KLHL1: variants seen among roughly 807,000 people sequenced by gnomAD.
KLHL1 encodes the protein kelch-like protein 1.
KLHL1 carries 47 observed loss-of-function variants against 77.7 expected under a neutral mutation model. The observed-to-expected ratio is 0.60, with a 90% CI of 0.48 to 0.77. KLHL1 has a LOEUF of 0.77. Ranked by LOEUF, KLHL1 falls within the 30% of genes least tolerant of loss-of-function variation. The pLI is 0.00. For synonymous variants in KLHL1, 360 were observed against 325.2 expected, an observed-to-expected ratio of 1.11 and a Z score of -1.15; for missense variants, 925 against 910.8, an observed-to-expected ratio of 1.02 and a Z score of -0.20.
chr13:69,916,619 T>G (rs1222485149), intron 4 of KLHL1, among the ~76,000 whole-genome samples: 2 of 151,936 alleles, frequency 1.3e-5, no homozygotes, highest in African/African-American at 4.8e-5. Context: ...AGGGATAGCA[T>G]TAGGAGATAT....
intron 1 of KLHL1, among the ~76,000 whole-genome samples, chr13:70,016,398 C>T (rs1490972356): frequency 3.3e-5 from 5 of 152,222 alleles, no homozygotes; most frequent in African/African-American, 9.6e-5. Flanking sequence ...AATCCATGCA[C>T]TCTTGGGGGC....
intron 3 of KLHL1, among the ~76,000 whole-genome samples, chr13:69,945,547 C>A (rs969261595): frequency 4.6e-5 from 7 of 151,270 alleles, no homozygotes; most frequent in Admixed American, 1.3e-4. Flanking sequence ...CAAATCATAT[C>A]TGATAAAATA....
At chr13:69,808,142 C>T (rs1310492966) in intron 6 of KLHL1, among the ~76,000 whole-genome samples, 1 of 152,126 alleles carries the variant, frequency 6.6e-6, no homozygotes, top group African/African-American at 2.4e-5. Flanking sequence ...TCCCCCCACA[C>T]CCCACCTCAC....
At chr13:70,037,278 T>C (rs1355276132) in intron 1 of KLHL1, among the ~76,000 whole-genome samples, 2 of 152,084 alleles carry the variant, frequency 1.3e-5, no homozygotes. Context: ...CTTTCTTTAT[T>C]AACTTTTTGA....
chr13:70,036,949 AG>A (rs1281006375), intron 1 of KLHL1, among the ~76,000 whole-genome samples: 1 of 149,870 alleles, frequency 6.7e-6, no homozygotes, highest in African/African-American at 2.5e-5. Flanking sequence ...CAAATTATAA[AG>A]TTAATCGAGA....
intron 4 of KLHL1, among the ~76,000 whole-genome samples, chr13:69,916,051 C>G (rs1344148735): frequency 1.3e-5 from 2 of 152,154 alleles, no homozygotes; most frequent in Non-Finnish European, 2.9e-5. Context: ...TACCATCTCA[C>G]ACCAGTTAGA....
At chr13:69,850,142 A>G (rs1449971808) in intron 5 of KLHL1, among the ~76,000 whole-genome samples, 4 of 151,524 alleles carry the variant, frequency 2.6e-5, no homozygotes, top group Admixed American at 2.0e-4. Flanking sequence ...ACTAGGAAAC[A>G]TTAACCTGAA....
intron 3 of KLHL1, among the ~76,000 whole-genome samples, chr13:69,946,291 A>C (rs1384040073): frequency 6.6e-6 from 1 of 151,944 alleles, no homozygotes; most frequent in Non-Finnish European, 1.5e-5. Flanking sequence ...AAACTTATCA[A>C]ATTATACATT....
chr13:69,843,621 CAT>C (rs1184415169), intron 5 of KLHL1, among the ~76,000 whole-genome samples: 1 of 151,628 alleles, frequency 6.6e-6, no homozygotes, highest in Non-Finnish European at 1.5e-5. Flanking sequence ...TTTAATTTCT[CAT>C]ATTTTACACT....
chr13:69,793,772 C>A (rs1876977012), intron 7 of KLHL1, among the ~76,000 whole-genome samples: 2 of 152,062 alleles, frequency 1.3e-5, no homozygotes, highest in Non-Finnish European at 2.9e-5. Flanking sequence ...CCCAATCCTG[C>A]CGATTATACT....
intron 3 of KLHL1, among the ~76,000 whole-genome samples, chr13:69,957,563 T>G (rs890625345): frequency 6.6e-6 from 1 of 151,800 alleles, no homozygotes; most frequent in Non-Finnish European, 1.5e-5. Flanking sequence ...TGTGTCTTTT[T>G]CTAATATACA....
At chr13:69,991,741 C>A (rs1049452452) in intron 1 of KLHL1, among the ~76,000 whole-genome samples, 46 of 151,610 alleles carry the variant, frequency 3.0e-4, no homozygotes, top group Non-Finnish European at 4.6e-4. Flanking sequence ...CAAAGAGGAG[C>A]ATTCCTACTG....
chr13:70,002,540 T>C (rs1407259421), intron 1 of KLHL1, among the ~76,000 whole-genome samples: 1 of 151,436 alleles, frequency 6.6e-6, no homozygotes, highest in Admixed American at 6.6e-5. Context: ...AGAGAAAATA[T>C]TTAAATAAAA....
chr13:69,966,292 C>A (rs1317952305), intron 2 of KLHL1, among the ~76,000 whole-genome samples: 3 of 152,094 alleles, frequency 2.0e-5, no homozygotes, highest in East Asian at 3.9e-4. Context: ...GAAGCCAATT[C>A]TCATTACCAT....
At chr13:69,996,034 G>T (rs1315757700) in intron 1 of KLHL1, among the ~76,000 whole-genome samples, 2 of 152,268 alleles carry the variant, frequency 1.3e-5, no homozygotes, top group East Asian at 3.9e-4. Flanking sequence ...GCCTGACGTG[G>T]TAGCTCACGC....
chr13:70,038,454 AT>A (rs1886290696), intron 1 of KLHL1, among the ~76,000 whole-genome samples: 2 of 151,930 alleles, frequency 1.3e-5, no homozygotes, highest in African/African-American at 2.4e-5. Context: ...CTAAGAGTAT[AT>A]TTACTAATTT....
intron 7 of KLHL1, among the ~76,000 whole-genome samples, chr13:69,760,388 T>C (rs968066292): frequency 3.3e-5 from 5 of 151,956 alleles, no homozygotes; most frequent in Admixed American, 6.6e-5. Context: ...GGAATTTCAC[T>C]CGTTTTGCCC....
chr13:69,780,708 ATATATATG>A (rs1566243601), intron 7 of KLHL1, among the ~76,000 whole-genome samples: 2,407 of 50,576 alleles, frequency 0.048, 111 homozygotes, highest in African/African-American at 0.089. Context: ...ATATGTATAT[ATATATATG>A]TATATATATA....
At chr13:69,797,929 T>C in intron 6 of KLHL1, among the ~76,000 whole-genome samples, 1 of 152,332 alleles carries the variant, frequency 6.6e-6, no homozygotes, top group South Asian at 2.1e-4. Context: ...ATATAGCTTA[T>C]ATTTCTTAAA....
Sources: allele counts gnomAD v4.1 joint callset (sites outside exome capture counted in the v4.1 genomes callset), GRCh38; gene constraint gnomAD v4.1.1; transcripts MANE v1.5; gene names NCBI Gene and HGNC (gene_info 2026-07-23, HGNC 2026-07-21).